FUT8: variants seen among roughly 807,000 people sequenced by gnomAD.
FUT8 encodes the protein alpha-(1,6)-fucosyltransferase.
FUT8 carries 29 observed loss-of-function variants against 71.3 expected under a neutral mutation model. The ratio of observed to expected loss-of-function variants is 0.41; its 90% CI spans 0.30 to 0.55. The LOEUF (loss-of-function observed/expected upper bound fraction) is 0.55, where lower values mean the gene tolerates loss of function less well. Ranked by LOEUF, FUT8 falls within the 20% of genes least tolerant of loss-of-function variation. FUT8 has a pLI of 0.34. For synonymous variants in FUT8, 254 were observed against 239.3 expected (o/e 1.06, Z -0.57); for missense variants, 544 against 702.1 (o/e 0.77, Z 2.55).
intron 2 of FUT8, among the ~76,000 whole-genome samples, chr14:65,501,194 A>G (rs184717293): frequency 6.6e-6 from 1 of 152,362 alleles, no homozygotes; most frequent in African/African-American, 2.4e-5. Context: ...CCTGGGTAAC[A>G]TAGTAAGACC....
At chr14:65,368,050 C>CTT in the FUT8 span, among the ~76,000 whole-genome samples, 152 of 85,806 alleles carry the variant, frequency 1.8e-3, 3 homozygotes, top group African/African-American at 4.1e-3. Flanking sequence ...GGCAAAATTA[C>CTT]TTTTTTTTTT....
At chr14:65,692,396 C>G (rs868818656) in intron 7 of FUT8, among the ~76,000 whole-genome samples, 12 of 99,476 alleles carry the variant, frequency 1.2e-4, no homozygotes, top group South Asian at 3.4e-4. Flanking sequence ...GGCGGCTGGC[C>G]GGGCGGGGGG....
At position 65,690,437 on chromosome 14, in the gene FUT8, A is replaced by G. The variant is rs1012593440; in HGVS notation, c.835+20957A>G. On this transcript the variant is annotated intron_variant, in intron 7 of 10. Coordinates refer to ENST00000673929, the MANE Select transcript of FUT8 (RefSeq NM_001371533.1). ...CATAAAGTAACTTGTCAGGATTTCAATTGTGATTGTGATGAATTTATATAT... is the reference window on the plus strand; with the variant it reads ...CATAAAGTAACTTGTCAGGATTTCAGTTGTGATTGTGATGAATTTATATAT... Among the ~76,000 whole-genome samples the G allele has an allele frequency of 3.9e-5, 6 of 152,200 alleles. No homozygotes were observed. The East Asian group carries it at 1.2e-3, about 29-fold the overall frequency.
rs139864971 is a variant in FUT8 at position 65,615,261 on chromosome 14, A to G, written c.204-717A>G. Among the ~76,000 whole-genome samples the G allele has an allele frequency of 8.0e-4, 121 of 152,046 alleles. No homozygotes were observed. In the East Asian group the frequency reaches 0.015, roughly 19 times the overall value. ...GCTGGGACTGCAGGCACACACCACC[A>G]TGTGCCCAGCTAATGTTTTCATTTT... On this transcript the variant is annotated intron_variant, in intron 3 of 10. Coordinates refer to ENST00000673929, the MANE Select transcript of FUT8 (RefSeq NM_001371533.1).
intron 2 of FUT8, chr14:65,529,039 G>T: frequency 6.2e-6 from 1 of 160,980 alleles, no homozygotes. Flanking sequence ...CCAGTATAAT[G>T]TCTGAGGTAT....
chr14:65,475,074 C>T (rs2066215296), intron 2 of FUT8, among the ~76,000 whole-genome samples: 1 of 152,122 alleles, frequency 6.6e-6, no homozygotes, highest in Non-Finnish European at 1.5e-5. Context: ...CAAGGATGAT[C>T]TCATATTTCT....
intron 5 of FUT8, among the ~76,000 whole-genome samples, chr14:65,623,404 T>A (rs780705774): frequency 3.6e-4 from 55 of 152,142 alleles, no homozygotes; most frequent in Non-Finnish European, 6.8e-4. Flanking sequence ...CATAGGTGGC[T>A]TGCTTTCAGA....
the FUT8 span, among the ~76,000 whole-genome samples, chr14:65,388,050 T>C: frequency 2.0e-5 from 3 of 152,246 alleles, no homozygotes; most frequent in Non-Finnish European, 4.4e-5. Context: ...TATAAAGTTC[T>C]TCTCTGCCTC....
At chr14:65,359,259 G>A in the FUT8 span, among the ~76,000 whole-genome samples, 1 of 152,156 alleles carries the variant, frequency 6.6e-6, no homozygotes, top group Non-Finnish European at 1.5e-5. Flanking sequence ...AAGGACACAT[G>A]CTCTGCTGCC....
chr14:65,738,235 A>G (rs1896320077), intron 10 of FUT8, among the ~76,000 whole-genome samples: 1 of 152,140 alleles, frequency 6.6e-6, no homozygotes, highest in African/African-American at 2.4e-5. Context: ...AAAGCAGATT[A>G]CAGGAAAAGT....
At chr14:65,438,959 T>C (rs933659048) in intron 1 of FUT8, among the ~76,000 whole-genome samples, 23 of 152,226 alleles carry the variant, frequency 1.5e-4, no homozygotes, top group African/African-American at 5.1e-4. Flanking sequence ...ACACATATTT[T>C]ATTTCCTAAT....
chr14:65,697,947 C>T (rs1414041937), intron 7 of FUT8, among the ~76,000 whole-genome samples: 1 of 151,256 alleles, frequency 6.6e-6, no homozygotes, highest in Non-Finnish European at 1.5e-5. Flanking sequence ...TCTGAGATCA[C>T]GTCATTCCAC....
At chr14:65,416,893 C>G (rs1413491775) in intron 1 of FUT8, among the ~76,000 whole-genome samples, 1 of 150,822 alleles carries the variant, frequency 6.6e-6, no homozygotes, top group Admixed American at 6.6e-5. Context: ...AAGCCATTCT[C>G]CCGCCTTAGC....
At chr14:65,368,422 C>A in the FUT8 span, among the ~76,000 whole-genome samples, 3 of 127,502 alleles carry the variant, frequency 2.4e-5, 1 homozygote, top group Non-Finnish European at 3.4e-5. Context: ...CTTACTGCAA[C>A]CTCCGCCTCC....
chr14:65,647,879 T>TA (rs546087805), intron 6 of FUT8, among the ~76,000 whole-genome samples: 194 of 144,230 alleles, frequency 1.3e-3, no homozygotes, highest in South Asian at 5.7e-3. Context: ...CATTAAAGGT[T>TA]AAAAAAAAAA....
intron 2 of FUT8, among the ~76,000 whole-genome samples, chr14:65,462,148 A>G (rs2065977856): frequency 1.3e-5 from 2 of 152,320 alleles, no homozygotes; most frequent in African/African-American, 4.8e-5. Context: ...TACTGTATTA[A>G]TATTAGTCTT....
chr14:65,420,150 A>G (rs1595349740), intron 1 of FUT8, among the ~76,000 whole-genome samples: 1 of 147,566 alleles, frequency 6.8e-6, no homozygotes, highest in African/African-American at 2.5e-5. Flanking sequence ...TAATAATAAT[A>G]AAAAAAAGAT....
intron 3 of FUT8, among the ~76,000 whole-genome samples, chr14:65,592,709 A>C (rs954241597): frequency 6.6e-6 from 1 of 152,128 alleles, no homozygotes; most frequent in Non-Finnish European, 1.5e-5. Context: ...TTTCCCCTTT[A>C]AATAATCCCT....
intron 7 of FUT8, among the ~76,000 whole-genome samples, chr14:65,703,835 A>G (rs1460248345): frequency 1.3e-5 from 2 of 152,234 alleles, no homozygotes; most frequent in Non-Finnish European, 2.9e-5. Context: ...CGTCTGTTTT[A>G]TCAGCAATTT....
Sources: gnomAD v4.1 joint callset for allele counts (sites outside exome capture counted in the v4.1 genomes callset) on GRCh38, gnomAD v4.1.1 for gene constraint, MANE v1.5 for transcripts, NCBI Gene and HGNC (gene_info 2026-07-23, HGNC 2026-07-21) for gene names.